The following RAB21 variants were observed in gnomAD, a reference collection of about 807,000 sequenced individuals.
RAB21 encodes RAB21, member RAS oncogene family.
A neutral mutation model predicts 33.1 loss-of-function variants in RAB21; 13 were observed. The observed-to-expected ratio is 0.39, with a 90% CI of 0.26 to 0.62. The LOEUF (loss-of-function observed/expected upper bound fraction) is 0.62, where lower values mean the gene tolerates loss of function less well. RAB21 is among the 20% of genes least tolerant of loss of function. RAB21 has a pLI of 0.48. For synonymous variants in RAB21, 91 were observed against 103.7 expected, an observed-to-expected ratio of 0.88 and a Z score of 0.74; for missense variants, 234 against 279.1, an observed-to-expected ratio of 0.84 and a Z score of 1.15.
At chr12:71,764,682 T>G (rs544798047) in intron 1 of RAB21, among the ~76,000 whole-genome samples, 1 of 152,156 alleles carries the variant, frequency 6.6e-6, no homozygotes, top group Non-Finnish European at 1.5e-5. Flanking sequence ...AGCTTAGCTC[T>G]CACTTATAAG....
At chr12:71,766,636 C>T (rs1280765956) in intron 1 of RAB21, among the ~76,000 whole-genome samples, 40 of 152,138 alleles carry the variant, frequency 2.6e-4, no homozygotes, top group Non-Finnish European at 1.0e-4. Context: ...GTATAAGCTG[C>T]AGTAAATGCA....
At position 71,799,788 on chromosome 12, in the gene RAB21, A is replaced by G. The variant is rs1400445713; in HGVS notation, c.*14115A>G. The G allele has an allele frequency of 1.3e-5, 2 of 152,160 alleles. No homozygotes were observed. The highest frequency in any genetic ancestry group is 2.4e-5 in the African/African-American group (1 of 41,450). The allele number at this position is 152,160 out of a possible 1,614,324, so 9.4% of individuals were successfully genotyped here. On this transcript the variant is annotated 3_prime_UTR_variant, in exon 7 of 7. Coordinates refer to ENST00000261263, the MANE Select transcript of RAB21 (RefSeq NM_014999.4). ...GTATAGTAAAGATAAAATTAATTGC[A>G]CAGGCCAGGCACAGTGGTTCACACC...
intron 4 of RAB21, among the ~76,000 whole-genome samples, chr12:71,776,390 T>G (rs968631635): frequency 6.6e-6 from 1 of 152,164 alleles, no homozygotes; most frequent in African/African-American, 2.4e-5. Flanking sequence ...TCAGGGAAGA[T>G]ACTTTCACTG....
rs1883486013 is a variant in RAB21 at position 71,797,920 on chromosome 12, T to C, written c.*12247T>C. The C allele has an allele frequency of 6.6e-6, 1 of 152,118 alleles. No homozygotes were observed. Among genetic ancestry groups the C allele is most frequent in the Non-Finnish European group, 1.5e-5 (1 of 68,024 alleles). The allele number at this position is 152,118 out of a possible 1,614,324, so 9.4% of individuals were successfully genotyped here. On this transcript the variant is annotated 3_prime_UTR_variant, in exon 7 of 7. Coordinates refer to ENST00000261263, the MANE Select transcript of RAB21 (RefSeq NM_014999.4). ...TTCATACCTCATAAACCAAAATGCA[T>C]TCCAGTTTAAATATGAAAACTGAAA...
rs115918275 is a variant in RAB21, at chr12:71,770,921, C to T, written c.327+222C>T. ...TATTTGATTCATATGAATTAATTTACGTTAGAATAATTAATGCCTTATTAC... is the reference window on the plus strand; with the variant it reads ...TATTTGATTCATATGAATTAATTTATGTTAGAATAATTAATGCCTTATTAC... On this transcript the variant is annotated intron_variant, in intron 3 of 6. Coordinates refer to ENST00000261263, the MANE Select transcript of RAB21 (RefSeq NM_014999.4). Among the ~76,000 whole-genome samples the T allele has an allele frequency of 5.0e-3, 759 of 152,138 alleles. 9 individuals carry two copies. Among genetic ancestry groups the T allele is most frequent in the African/African-American group, 0.017 (714 of 41,510 alleles).
rs1883287395 is a variant in RAB21, at chr12:71,786,100, A to G, written c.*427A>G. ...GTATTTTTAGTAGAGACGGGGTTTC[A>G]CCAGGTTAGCCAGGATGGTCTCGAT... is the stretch of plus-strand genomic sequence containing the variant. On this transcript the variant is annotated 3_prime_UTR_variant, in exon 7 of 7. Transcript: ENST00000261263. 6.5e-6 allele frequency: 1 copy of G among 154,722 alleles called. No individual in the cohort carries two copies. Among genetic ancestry groups the G allele is most frequent in the Non-Finnish European group, 1.4e-5 (1 of 69,652 alleles). 9.6% of individuals were successfully genotyped at this position (154,722 alleles called of 1,614,324 possible).
intron 1 of RAB21, among the ~76,000 whole-genome samples, chr12:71,761,602 T>C (rs1234924508): frequency 2.6e-5 from 4 of 152,064 alleles, no homozygotes; most frequent in African/African-American, 9.7e-5. Context: ...CACTTGAACC[T>C]GGGAGACAGA....
intron 1 of RAB21, among the ~76,000 whole-genome samples, chr12:71,762,345 G>A (rs7302167): frequency 0.16 from 23,693 of 151,952 alleles, 2,295 homozygotes; most frequent in East Asian, 0.32. Flanking sequence ...TCGCTCTGTC[G>A]CCCAGGCTGG....
intron 1 of RAB21, among the ~76,000 whole-genome samples, chr12:71,765,791 A>G (rs1313648525): frequency 1.3e-5 from 2 of 151,730 alleles, no homozygotes; most frequent in Non-Finnish European, 2.9e-5. Context: ...TGCGTTCTCT[A>G]TTGTTCCATT....
chr12:71,774,141 A>G (rs776080606), intron 4 of RAB21, 119 bp downstream of exon 4: 62 of 617,532 alleles, frequency 1.0e-4, no homozygotes, highest in Non-Finnish European at 1.5e-4. Context: ...ATTAATATAA[A>G]TATTTTAGAA....
chr12:71,781,917 G>T, intron 4 of RAB21, 114 bp from the exon 5 acceptor site: 2 of 727,916 alleles, frequency 2.7e-6, no homozygotes, highest in South Asian at 3.8e-5. Flanking sequence ...GTCTGGTGGG[G>T]ATTTGCATTA....
At chr12:71,771,021 C>T (rs1432025930) in intron 3 of RAB21, among the ~76,000 whole-genome samples, 1 of 152,044 alleles carries the variant, frequency 6.6e-6, no homozygotes, top group Non-Finnish European at 1.5e-5. Flanking sequence ...TTTTGTTTTT[C>T]CCTCTTAAGG....
rs918800252 is a variant in RAB21, at chr12:71,796,412, A to G, written c.*10739A>G. On this transcript the variant is annotated 3_prime_UTR_variant, in exon 7 of 7. Transcript: ENST00000261263. ...GATTAACTTAGAGGTTAGAATGCTT[A>G]CATTTGCAAATAGCCTGAGGAATAA... 2.2e-5 allele frequency: 3 copies of G among 137,626 alleles called. No homozygotes were observed. The highest frequency in any genetic ancestry group is 8.8e-5 in the African/African-American group (3 of 34,156). 8.5% of individuals were successfully genotyped at this position (137,626 alleles called of 1,614,324 possible). A position where few individuals can be genotyped will look rare whatever the true frequency, so the allele number is the denominator to read the frequency against.
At chr12:71,775,166 G>A (rs1048721154) in intron 4 of RAB21, among the ~76,000 whole-genome samples, 1 of 152,102 alleles carries the variant, frequency 6.6e-6, no homozygotes, top group African/African-American at 2.4e-5. Flanking sequence ...TTATTTCTGT[G>A]ATATCACAAG....
At position 71,789,198 on chromosome 12, in the gene RAB21, C is replaced by T. The variant is rs1883341663; in HGVS notation, c.*3525C>T. 1 of 151,908 alleles carries T rather than the reference C, an allele frequency of 6.6e-6. No homozygotes were observed. Among genetic ancestry groups the T allele is most frequent in the Non-Finnish European group, 1.5e-5 (1 of 67,910 alleles). 9.4% of individuals were successfully genotyped at this position (151,908 alleles called of 1,614,324 possible). A position where few individuals can be genotyped will look rare whatever the true frequency, so the allele number is the denominator to read the frequency against. ...TACAACCTGACAGTTTTTTAAATCACTTTGAAAAGTACATTACTTTTATCA... is the reference window on the plus strand; with the variant it reads ...TACAACCTGACAGTTTTTTAAATCATTTTGAAAAGTACATTACTTTTATCA... On this transcript the variant is annotated 3_prime_UTR_variant, in exon 7 of 7. Transcript: ENST00000261263.
rs1883455900 is a variant in RAB21, at chr12:71,795,489, TTTAAC to T, written c.*9818_*9822del. 2 of 115,522 alleles carry T rather than the reference TTTAAC, an allele frequency of 1.7e-5. No homozygotes were observed. The highest frequency in any genetic ancestry group is 7.6e-5 in the African/African-American group (2 of 26,192). 7.2% of individuals were successfully genotyped at this position (115,522 alleles called of 1,614,324 possible). On this transcript the variant is annotated 3_prime_UTR_variant, in exon 7 of 7. Transcript: ENST00000261263. Reference sequence around the variant, plus strand: ...TGTTTCTATGACCTCTAGTCACAAATTTAACTAATTTAAGGTTAACTAATACCTCT... The same window carrying T: ...TGTTTCTATGACCTCTAGTCACAAATTAATTTAAGGTTAACTAATACCTCT...
At chr12:71,773,279 G>A (rs775774404) in intron 3 of RAB21, among the ~76,000 whole-genome samples, 4 of 152,194 alleles carry the variant, frequency 2.6e-5, no homozygotes, top group African/African-American at 4.8e-5. Context: ...GTTCTCTACC[G>A]GGGATGGCAA....
intron 1 of RAB21, 133 bp downstream of exon 1, chr12:71,755,421 C>T (rs1222059758): frequency 1.9e-5 from 22 of 1,129,500 alleles, no homozygotes; most frequent in Non-Finnish European, 2.6e-5. Flanking sequence ...TTCGGTTTAC[C>T]TTTCCGAATT....
At chr12:71,781,260 G>T (rs1364811715) in intron 4 of RAB21, among the ~76,000 whole-genome samples, 3 of 152,066 alleles carry the variant, frequency 2.0e-5, no homozygotes, top group Non-Finnish European at 4.4e-5. Flanking sequence ...ACGAGGTCAG[G>T]AGTTCGAGAC....
Sources: gnomAD v4.1 joint callset for allele counts (sites outside exome capture counted in the v4.1 genomes callset) on GRCh38, gnomAD v4.1.1 for gene constraint, MANE v1.5 for transcripts, NCBI Gene and HGNC (gene_info 2026-07-23, HGNC 2026-07-21) for gene names.